SYNE2: variants seen among roughly 807,000 people sequenced by gnomAD.
SYNE2 encodes the protein spectrin repeat containing nuclear envelope protein 2.
SYNE2 carries 431 observed loss-of-function variants against 856.3 expected under a neutral mutation model. The observed-to-expected ratio is 0.50, with a 90% confidence interval of 0.47 to 0.55. The LOEUF (loss-of-function observed/expected upper bound fraction) is 0.55, where lower values mean the gene tolerates loss of function less well. Ranked by LOEUF, SYNE2 falls within the 20% of genes least tolerant of loss-of-function variation. The pLI, the probability that SYNE2 is intolerant of heterozygous loss-of-function variation, is 0.00. For missense variants in SYNE2, 8,129 were observed against 8,023.2 expected, an observed-to-expected ratio of 1.01 and a Z score of -0.50; for synonymous variants, 2,923 against 2,872.3, an observed-to-expected ratio of 1.02 and a Z score of -0.56.
At chr14:63,921,306 A>C (rs1433909108) in intron 2 of SYNE2, among the ~76,000 whole-genome samples, 1 of 152,198 alleles carries the variant, frequency 6.6e-6, no homozygotes, top group African/African-American at 2.4e-5. Context: ...AAATATCCAG[A>C]CAACAATGGG....
Position 64,056,222 on chromosome 14 carries a change from A to G in SYNE2, c.10023A>G (p.Ser3341=). The G allele has an allele frequency of 6.2e-7, 1 of 1,614,110 alleles. No individual in the cohort carries two copies. Residue 3341 remains serine, a synonymous_variant, in exon 49 of 116, where the codon TCA becomes TCG. Coordinates refer to ENST00000555002, the MANE Select transcript of SYNE2 (RefSeq NM_182914.3). ...TACAGGAACTAGTTTCTAAGAACTCAGCAATGAAGGAAGCTTTCAAAGCAC... is the reference window on the plus strand; with the variant it reads ...TACAGGAACTAGTTTCTAAGAACTCGGCAATGAAGGAAGCTTTCAAAGCAC... ...YTLQELVSKN[S]AMKEAFKAQE...
At position 64,155,590 on chromosome 14, in the gene SYNE2, C is replaced by T. The variant is rs2098279477; in HGVS notation, c.15792+2874C>T. ...TTCAATAAAGTAAAAAAAAAAAAAACGCAGAAGGCGTGAGGCACAGATCAT... is the reference window on the plus strand; with the variant it reads ...TTCAATAAAGTAAAAAAAAAAAAAATGCAGAAGGCGTGAGGCACAGATCAT... On this transcript the variant is annotated intron_variant, in intron 85 of 115. Transcript: ENST00000555002. Among the ~76,000 whole-genome samples the T allele has an allele frequency of 4.1e-5, 6 of 144,900 alleles. No homozygotes were observed. In the South Asian group the frequency reaches 1.1e-3, roughly 26 times the overall value.
At chr14:64,103,941 A>G (rs1055977585) in intron 64 of SYNE2, among the ~76,000 whole-genome samples, 5 of 152,190 alleles carry the variant, frequency 3.3e-5, no homozygotes, top group African/African-American at 7.2e-5. Context: ...CTGTTTTCCA[A>G]TAGGATTCTG....
intron 1 of SYNE2, among the ~76,000 whole-genome samples, chr14:63,882,094 C>T (rs776839105): frequency 6.6e-6 from 1 of 152,056 alleles, no homozygotes; most frequent in Non-Finnish European, 1.5e-5. Context: ...AGCCGTAGAT[C>T]CTTGTGTAAT....
chr14:63,771,313 G>T (rs1379314151), intron 1 of SYNE2, among the ~76,000 whole-genome samples: 2 of 151,512 alleles, frequency 1.3e-5, no homozygotes, highest in African/African-American at 4.8e-5. Context: ...CTCGTGATCC[G>T]CCCGCCTCGG....
chr14:63,815,174 ATATATCCATATATATATC>A (rs1888898724), intron 1 of SYNE2, among the ~76,000 whole-genome samples: 5 of 63,740 alleles, frequency 7.8e-5, no homozygotes, highest in Non-Finnish European at 1.2e-4. Context: ...ATATCCACAT[ATATATCCATATATATATC>A]CATATATATA....
intron 2 of SYNE2, among the ~76,000 whole-genome samples, chr14:63,930,734 C>T (rs1030756571): frequency 1.2e-4 from 19 of 152,228 alleles, no homozygotes; most frequent in Middle Eastern, 6.8e-3. Flanking sequence ...CAGGGTTTCA[C>T]CATGTTGACC....
intron 6 of SYNE2, among the ~76,000 whole-genome samples, chr14:63,942,937 T>G (rs1368272612): frequency 1.3e-5 from 2 of 152,224 alleles, no homozygotes; most frequent in African/African-American, 4.8e-5. Context: ...GTCCTGTTGC[T>G]ATTTTTCAAT....
In SYNE2 at chr14:64,065,737, C is replaced by T. The variant is rs1317864221; in HGVS notation, c.10431+87C>T. On this transcript the variant is annotated intron_variant, in intron 51 of 115. Coordinates refer to ENST00000555002, the MANE Select transcript of SYNE2 (RefSeq NM_182914.3). ...ACTTTCACCTTGTTTTTCTATAAAA[C>T]GAGTCCTTAGCCTATACCATTTGTG... The T allele has an allele frequency of 3.2e-5, 47 of 1,452,732 alleles. 1 individual carries two copies. In the Admixed American group the frequency reaches 3.3e-4, roughly 10 times the overall value. 90.0% of individuals were successfully genotyped at this position (1,452,732 alleles called of 1,614,324 possible). A position where few individuals can be genotyped will look rare whatever the true frequency, so the allele number is the denominator to read the frequency against.
In SYNE2 at chr14:64,070,894, A is replaced by G. The variant is rs750490026; in HGVS notation, c.10681A>G (p.Lys3561Glu). 6.2e-7 allele frequency: 1 copy of G among 1,614,192 alleles called. No individual in the cohort carries two copies. Among genetic ancestry groups the G allele is most frequent in the Non-Finnish European group, 8.5e-7 (1 of 1,180,000 alleles). ...AGCATTTCAAGAAATTACTTCTATG[A>G]AAGAACGATGCAACAAGTAAGATTT... The part of the protein sequence containing the change: ...VPAFQEITSM[K>E]ERCNKLLQKV... The change falls in exon 52 of 116, where the codon AAA becomes GAA. Residue 3561 changes from lysine to glutamate, a missense_variant. This residue lies in a region of SYNE2 where 5,410 missense variants were observed against 5,284.8 expected (regional missense o/e 1.02). Coordinates refer to ENST00000555002, the MANE Select transcript of SYNE2 (RefSeq NM_182914.3).
intron 63 of SYNE2, among the ~76,000 whole-genome samples, chr14:64,101,475 G>A (rs1348966815): frequency 6.6e-6 from 1 of 151,922 alleles, no homozygotes; most frequent in Non-Finnish European, 1.5e-5. Context: ...ATTTAGAGAT[G>A]GGATCTCACT....
chr14:63,853,465 G>A (rs1327487422), intron 1 of SYNE2, among the ~76,000 whole-genome samples: 1 of 151,678 alleles, frequency 6.6e-6, no homozygotes, highest in Non-Finnish European at 1.5e-5. Context: ...GGTCCGCCCG[G>A]CTCGGGCAGG....
intron 2 of SYNE2, among the ~76,000 whole-genome samples, chr14:63,937,341 C>T (rs141767307): frequency 1.0e-3 from 157 of 152,246 alleles, no homozygotes; most frequent in Non-Finnish European, 1.9e-3. Context: ...AACAGTATGG[C>T]TGTATACTCA....
intron 66 of SYNE2, among the ~76,000 whole-genome samples, chr14:64,114,555 C>T (rs565879032): frequency 6.6e-6 from 1 of 152,120 alleles, no homozygotes; most frequent in Non-Finnish European, 1.5e-5. Flanking sequence ...TTAACAACAT[C>T]CAGGAACCAG....
chr14:63,842,008 G>T (rs1263090018), intron 1 of SYNE2, among the ~76,000 whole-genome samples: 2 of 150,916 alleles, frequency 1.3e-5, no homozygotes, highest in African/African-American at 4.9e-5. Flanking sequence ...AATTTTTTTT[G>T]TATTTTTGGT....
chr14:64,188,780 C>A, intron 98 of SYNE2, 72 bp downstream of exon 98: 1 of 1,476,820 alleles, frequency 6.8e-7, no homozygotes, highest in Non-Finnish European at 9.4e-7. Context: ...CTCCTAAGCC[C>A]AAACAGGGGC....
At chr14:64,081,630 T>C in intron 57 of SYNE2, 50 bp downstream of exon 57, 1 of 1,603,834 alleles carries the variant, frequency 6.2e-7, no homozygotes, top group African/African-American at 1.3e-5. Flanking sequence ...ACATAAAGAT[T>C]CGTGGCTTAG....
At chr14:64,062,646 ATCTTT>A (rs2097326479) in intron 49 of SYNE2, 100 bp from the exon 50 acceptor site, 1 of 1,170,260 alleles carries the variant, frequency 8.5e-7, no homozygotes, top group Admixed American at 2.1e-5. Context: ...AAGTTGTCAT[ATCTTT>A]TCTTAAAAAT....
intron 1 of SYNE2, among the ~76,000 whole-genome samples, chr14:63,881,317 A>G (rs2094858757): frequency 6.6e-6 from 1 of 151,902 alleles, no homozygotes; most frequent in African/African-American, 2.4e-5. Flanking sequence ...CTATGAAGCT[A>G]TTACCAGGAT....
Sources: allele counts gnomAD v4.1 joint callset (sites outside exome capture counted in the v4.1 genomes callset), GRCh38; gene constraint gnomAD v4.1.1; regional missense constraint gnomAD v4.1.1; transcripts MANE v1.5; gene names NCBI Gene and HGNC (gene_info 2026-07-23, HGNC 2026-07-21).